The following FOXN1 variants were observed in gnomAD, a reference collection of about 807,000 sequenced individuals.
FOXN1 encodes forkhead box protein N1.
Under a neutral mutation model 49.0 loss-of-function variants are expected in FOXN1, and 15 were observed. That is an observed-to-expected ratio of 0.31 (90% CI 0.20 to 0.47). The LOEUF (loss-of-function observed/expected upper bound fraction) is 0.47, where lower values mean the gene tolerates loss of function less well. Among genes scored for constraint, FOXN1 ranks in the 20% least tolerant of loss-of-function variants. The pLI, the probability that FOXN1 is intolerant of heterozygous loss-of-function variation, is 1.00. For missense variants in FOXN1, 800 were observed against 842.8 expected (o/e 0.95, Z 0.63); for synonymous variants, 356 against 369.0 (o/e 0.96, Z 0.40).
intron 1 of FOXN1, among the ~76,000 whole-genome samples, chr17:28,511,626 G>C (rs73276488): frequency 1.3e-3 from 198 of 152,246 alleles, no homozygotes; most frequent in African/African-American, 4.6e-3. Flanking sequence ...TTGACATTCT[G>C]GTTCTCACTC....
intron 5 of FOXN1, 61 bp downstream of exon 5, chr17:28,529,285 C>G (rs1217307593): frequency 6.3e-7 from 1 of 1,596,844 alleles, no homozygotes; most frequent in Non-Finnish European, 8.6e-7. Flanking sequence ...CCTGGGAACA[C>G]TGAGGCATGG....
chr17:28,517,784 A>G (rs2069553464), intron 1 of FOXN1, among the ~76,000 whole-genome samples: 1 of 135,160 alleles, frequency 7.4e-6, no homozygotes, highest in African/African-American at 2.9e-5. Context: ...CAGGATCCAT[A>G]CCTCCACAGG....
chr17:28,508,750 G>A (rs1555606515), intron 1 of FOXN1, among the ~76,000 whole-genome samples: 1 of 152,140 alleles, frequency 6.6e-6, no homozygotes, highest in African/African-American at 2.4e-5. Flanking sequence ...TGACGAAGTT[G>A]CGGTCCACTT....
chr17:28,521,937 C>T (rs1160882765), intron 1 of FOXN1, among the ~76,000 whole-genome samples: 4 of 152,258 alleles, frequency 2.6e-5, no homozygotes, highest in African/African-American at 9.6e-5. Context: ...CTGCCCTGCT[C>T]TGGCTTGAGG....
rs1457414771 is a variant in FOXN1 at position 28,524,921 on chromosome 17, G to A, written c.542G>A (p.Cys181Tyr). The A allele has an allele frequency of 3.7e-6, 6 of 1,612,810 alleles. No individual in the cohort carries two copies. Among genetic ancestry groups the A allele is most frequent in the Non-Finnish European group, 3.4e-6 (4 of 1,180,016 alleles). Residue 181 changes from cysteine to tyrosine, a missense_variant, in exon 3 of 9, where the codon TGT becomes TAT. Transcript: ENST00000579795. Reference sequence around the variant, plus strand: ...CCTGGCTTCTCAGCAGAGGCCTGGTGTAACGGGCTCCCCTACCCCAGCCAG... The same window carrying A: ...CCTGGCTTCTCAGCAGAGGCCTGGTATAACGGGCTCCCCTACCCCAGCCAG... Reference protein sequence around the residue: ...FLPGFSAEAWCNGLPYPSQEH... With the variant: ...FLPGFSAEAWYNGLPYPSQEH...
rs940873767 is a variant in FOXN1, at chr17:28,524,410, A to G, written c.124-93A>G. The G allele has an allele frequency of 9.0e-6, 10 of 1,116,154 alleles. No individual in the cohort carries two copies. The African/African-American group carries it at 1.5e-4, about 17-fold the overall frequency. 69.1% of individuals were successfully genotyped at this position (1,116,154 alleles called of 1,614,324 possible). On this transcript the variant is annotated intron_variant, in intron 2 of 8. Transcript: ENST00000579795. Reference sequence around the variant, plus strand: ...GGGTCTTCCCAGAGCTCAGCCATAGACCCCCTTTACCCCAGAACAGAGTAG... The same window carrying G: ...GGGTCTTCCCAGAGCTCAGCCATAGGCCCCCTTTACCCCAGAACAGAGTAG...
At chr17:28,517,426 TACCTCCACAGGGTACAC>T (rs2069541889) in intron 1 of FOXN1, among the ~76,000 whole-genome samples, 3 of 108,458 alleles carry the variant, frequency 2.8e-5, no homozygotes, top group African/African-American at 7.1e-5. Context: ...ACAGGATCCA[TACCTCCACAGGGTACAC>T]ACCTCCACAG....
rs745398444 is a variant in FOXN1, at chr17:28,524,036, C to A, written c.67C>A (p.Arg23Ser). Reference protein sequence around the residue: ...LPGPTRLEGERQGDLMQAPGL... With the variant: ...LPGPTRLEGESQGDLMQAPGL... ...GGGCCCCACCAGACTGGAGGGCGAG[C>A]GCCAAGGGGACCTCATGCAGGCACC... Residue 23 changes from arginine (R) to serine (S), a missense_variant, in exon 2 of 9, where the codon CGC becomes AGC. Around this residue, in one of 3 missense-constraint regions of FOXN1, gnomAD observed 383 missense variants for 357.9 expected, o/e 1.07. Coordinates refer to ENST00000579795, the MANE Select transcript of FOXN1 (RefSeq NM_001369369.1). 13 of 1,611,976 alleles carry A rather than the reference C, an allele frequency of 8.1e-6. No individual in the cohort carries two copies. Among genetic ancestry groups the A allele is most frequent in the Non-Finnish European group, 1.1e-5 (13 of 1,179,808 alleles).
Position 28,527,328 on chromosome 17 carries a change from T to C in FOXN1, c.666T>C (p.His222=). 6.2e-7 allele frequency: 1 copy of C among 1,613,072 alleles called. No individual in the cohort carries two copies. The highest frequency in any genetic ancestry group is 2.2e-5 in the East Asian group (1 of 44,864). The change falls in exon 4 of 9, where the codon CAT becomes CAC. Residue 222 remains histidine (H), a synonymous_variant. Transcript: ENST00000579795. ...GMFCYQPPLQ[H]MYCSSQPPFH... is the part of the protein sequence containing the mutation. Reference sequence around the variant, plus strand: ...TCTGCTACCAGCCTCCCTTGCAGCATATGTACTGCTCCTCCCAGCCCCCCT... The same window carrying C: ...TCTGCTACCAGCCTCCCTTGCAGCACATGTACTGCTCCTCCCAGCCCCCCT...
In FOXN1 at chr17:28,529,196, C is replaced by G. The variant is rs200543302; in HGVS notation, c.802C>G (p.Leu268Val). The G allele has an allele frequency of 2.5e-6, 4 of 1,614,086 alleles. No homozygotes were observed. Among genetic ancestry groups the G allele is most frequent in the Non-Finnish European group, 3.4e-6 (4 of 1,180,044 alleles). ...PQASTDGHQP[L>V]FPKPIYSYSI... ...GGCCAGCACCGATGGGCACCAGCCT[C>G]TCTTCCCAAAACCCATCTATTCCTA... The change falls in exon 5 of 9, where the codon CTC becomes GTC. Residue 268 changes from leucine to valine, a missense_variant. Physicochemically the swap from Leu to Val is conservative, Grantham distance 32. Transcript: ENST00000579795.
intron 1 of FOXN1, among the ~76,000 whole-genome samples, chr17:28,508,830 C>T (rs1403568915): frequency 1.3e-5 from 2 of 152,174 alleles, no homozygotes; most frequent in African/African-American, 4.8e-5. Context: ...ATGCCCTCCC[C>T]TCTGTCCTTC....
intron 3 of FOXN1, among the ~76,000 whole-genome samples, chr17:28,526,885 G>T (rs530187810): frequency 4.3e-4 from 66 of 152,274 alleles, no homozygotes; most frequent in African/African-American, 1.5e-3. Flanking sequence ...CACCTACTCA[G>T]AGGGTCTGAG....
chr17:28,533,805 C>G (rs1248756967), intron 6 of FOXN1, among the ~76,000 whole-genome samples: 1 of 152,210 alleles, frequency 6.6e-6, no homozygotes, highest in Non-Finnish European at 1.5e-5. Flanking sequence ...CAAACACTCA[C>G]CAACCTCGCC....
intron 1 of FOXN1, among the ~76,000 whole-genome samples, chr17:28,520,209 C>T (rs1353015104): frequency 3.3e-5 from 5 of 152,180 alleles, no homozygotes; most frequent in African/African-American, 4.8e-5. Flanking sequence ...GGGGTTCTGC[C>T]GGCTACTCCA....
chr17:28,508,044 C>T (rs1477439180), intron 1 of FOXN1, among the ~76,000 whole-genome samples: 1 of 152,110 alleles, frequency 6.6e-6, no homozygotes, highest in Admixed American at 6.5e-5. Context: ...GCTGCCTGTG[C>T]GAGCTCAGCT....
At chr17:28,516,220 C>T (rs2069496620) in intron 1 of FOXN1, among the ~76,000 whole-genome samples, 2 of 151,510 alleles carry the variant, frequency 1.3e-5, no homozygotes, top group South Asian at 4.2e-4. Flanking sequence ...ATCCATAGCT[C>T]CAAAGGGTAC....
Position 28,538,703 on chromosome 17 carries a change from GC to G in FOXN1, c.*1270del, listed in dbSNP as rs1404521581. ...CCGGGAAGCACAAGGGATACCCTTG[GC>G]CCTGCGGGGTGTGGCCCAGGTGCCT... On this transcript the variant is annotated 3_prime_UTR_variant, in exon 9 of 9. Coordinates refer to ENST00000579795, the MANE Select transcript of FOXN1 (RefSeq NM_001369369.1). 2 of 152,216 alleles carry G rather than the reference GC, an allele frequency of 1.3e-5. No individual in the cohort carries two copies. Among genetic ancestry groups the G allele is most frequent in the African/African-American group, 4.8e-5 (2 of 41,440 alleles). The allele number at this position is 152,216 out of a possible 1,614,324, so 9.4% of individuals were successfully genotyped here.
Position 28,534,852 on chromosome 17 carries a change from C to T in FOXN1, c.1281C>T (p.His427=), listed in dbSNP as rs745618038. ...AGLSPPLHSL[H]PAPGPIPGKN... ...TCTCCCCACCACTGCACTCACTCCA[C>T]CCAGCTCCAGGCCCCATTCCTGGCA... The change falls in exon 8 of 9, where the codon CAC becomes CAT. Residue 427 remains histidine (H), a synonymous_variant. Coordinates refer to ENST00000579795, the MANE Select transcript of FOXN1 (RefSeq NM_001369369.1). This position sits in a 1 kb window ranked among gnomAD's most constrained non-coding sequence, Gnocchi z 4.1. 1 of 1,614,008 alleles carries T rather than the reference C, an allele frequency of 6.2e-7. No homozygotes were observed. Among genetic ancestry groups the T allele is most frequent in the Non-Finnish European group, 8.5e-7 (1 of 1,179,874 alleles).
Position 28,537,766 on chromosome 17 carries a change from A to T in FOXN1, c.*330A>T, listed in dbSNP as rs1217365748. ...ACACACACAAATTATTCAGATGTACACCCACCCACATATCTTACAGCCAGA... is the reference window on the plus strand; with the variant it reads ...ACACACACAAATTATTCAGATGTACTCCCACCCACATATCTTACAGCCAGA... On this transcript the variant is annotated 3_prime_UTR_variant, in exon 9 of 9. Transcript: ENST00000579795. 4.6e-6 allele frequency: 2 copies of T among 438,964 alleles called. No homozygotes were observed. The highest frequency in any genetic ancestry group is 8.5e-6 in the Non-Finnish European group (2 of 235,262). The allele number at this position is 438,964 out of a possible 1,614,324, so 27.2% of individuals were successfully genotyped here.
Sources: gnomAD v4.1 joint callset for allele counts (sites outside exome capture counted in the v4.1 genomes callset) on GRCh38, gnomAD v4.1.1 for gene constraint, gnomAD v4.1.1 regional missense constraint, Gnocchi (gnomAD v3.1) non-coding constraint, MANE v1.5 for transcripts, NCBI Gene and HGNC (gene_info 2026-07-23, HGNC 2026-07-21) for gene names.